ARHGAP11A: variants seen among roughly 807,000 people sequenced by gnomAD.
The protein encoded by ARHGAP11A is rho GTPase-activating protein 11A.
Under a neutral mutation model 60.5 loss-of-function variants are expected in ARHGAP11A, and 36 were observed. The ratio of observed to expected loss-of-function variants is 0.59; its 90% CI spans 0.46 to 0.79. The LOEUF (loss-of-function observed/expected upper bound fraction) is 0.79, where lower values mean the gene tolerates loss of function less well. Ranked by LOEUF, ARHGAP11A falls within the 30% of genes least tolerant of loss-of-function variation. The probability of loss-of-function intolerance (pLI) is 0.00; values close to 1 mark genes in which losing one functional copy is unlikely to be tolerated. For synonymous variants in ARHGAP11A, 362 were observed against 415.5 expected, an observed-to-expected ratio of 0.87 and a Z score of 1.57; for missense variants, 1,071 against 1,199.2, an observed-to-expected ratio of 0.89 and a Z score of 1.58.
chr15:32,635,016 T>G (rs2053673240), intron 10 of ARHGAP11A, among the ~76,000 whole-genome samples: 1 of 152,234 alleles, frequency 6.6e-6, no homozygotes, highest in African/African-American at 2.4e-5. Context: ...TAAAATCTGT[T>G]AGGTTATGTA....
At chr15:32,631,078 T>C (rs1362856542) in intron 8 of ARHGAP11A, among the ~76,000 whole-genome samples, 1 of 152,202 alleles carries the variant, frequency 6.6e-6, no homozygotes, top group East Asian at 1.9e-4. Context: ...ATCAATGAAT[T>C]TTTTTATAAA....
intron 2 of ARHGAP11A, among the ~76,000 whole-genome samples, chr15:32,623,230 A>G (rs1473323946): frequency 6.6e-6 from 1 of 152,010 alleles, no homozygotes; most frequent in Non-Finnish European, 1.5e-5. Flanking sequence ...TTACGCTCTG[A>G]AGGGAAGCAG....
At position 32,639,705 on chromosome 15, in the gene ARHGAP11A, T is replaced by C. The variant is rs183870102; in HGVS notation, c.*1860T>C. 19 of 152,330 alleles carry C rather than the reference T, an allele frequency of 1.2e-4. No homozygotes were observed. Among genetic ancestry groups the C allele is most frequent in the Middle Eastern group, 6.8e-3 (2 of 294 alleles). The allele number at this position is 152,330 out of a possible 1,614,324, so 9.4% of individuals were successfully genotyped here. A position where few individuals can be genotyped will look rare whatever the true frequency, so the allele number is the denominator to read the frequency against. ...TATTTTTGTTAGCTGAAAGCTGCTA[T>C]ACGGAGTATTACAGGAATGTGAAGG... On this transcript the variant is annotated 3_prime_UTR_variant, in exon 12 of 12. Transcript: ENST00000361627.
rs950701556 is a variant in ARHGAP11A, at chr15:32,639,675, A to G, written c.*1830A>G. 25 of 152,184 alleles carry G rather than the reference A, an allele frequency of 1.6e-4. No individual in the cohort carries two copies. Among genetic ancestry groups the G allele is most frequent in the African/African-American group, 6.0e-4 (25 of 41,512 alleles). The allele number at this position is 152,184 out of a possible 1,614,324, so 9.4% of individuals were successfully genotyped here. A position where few individuals can be genotyped will look rare whatever the true frequency, so the allele number is the denominator to read the frequency against. ...TCTGTTTTAAAAACTACCACATGTG[A>G]CTCCTATTTTTGTTAGCTGAAAGCT... On this transcript the variant is annotated 3_prime_UTR_variant, in exon 12 of 12. Coordinates refer to ENST00000361627, the MANE Select transcript of ARHGAP11A (RefSeq NM_014783.6).
Position 32,623,604 on chromosome 15 carries a change from A to G in ARHGAP11A, c.297+16A>G. The G allele has an allele frequency of 6.2e-7, 1 of 1,602,612 alleles. No homozygotes were observed. The highest frequency in any genetic ancestry group is 8.5e-7 in the Non-Finnish European group (1 of 1,175,584). On this transcript the variant is annotated intron_variant, in intron 3 of 11. Coordinates refer to ENST00000361627, the MANE Select transcript of ARHGAP11A (RefSeq NM_014783.6). ...AGCACTAAAGGTGAGCATATTGTTGAACTATTAATTTTTCATTTGAGCCAT... is the reference window on the plus strand; with the variant it reads ...AGCACTAAAGGTGAGCATATTGTTGGACTATTAATTTTTCATTTGAGCCAT...
chr15:32,616,138 G>A lies in ARHGAP11A; in HGVS notation c.-74G>A. The A allele has an allele frequency of 6.5e-7, 1 of 1,530,694 alleles. No individual in the cohort carries two copies. The highest frequency in any genetic ancestry group is 8.8e-7 in the Non-Finnish European group (1 of 1,139,078). The allele number at this position is 1,530,694 out of a possible 1,614,324, so 94.8% of individuals were successfully genotyped here. A position where few individuals can be genotyped will look rare whatever the true frequency, so the allele number is the denominator to read the frequency against. On this transcript the variant is annotated 5_prime_UTR_variant, in exon 1 of 12. Coordinates refer to ENST00000361627, the MANE Select transcript of ARHGAP11A (RefSeq NM_014783.6). ...CGGAGTTCAAATTTGAGAGCGTTTGGAAATTGGAAGACTTGGTGGCGAACG... is the reference window on the plus strand; with the variant it reads ...CGGAGTTCAAATTTGAGAGCGTTTGAAAATTGGAAGACTTGGTGGCGAACG...
In ARHGAP11A at chr15:32,625,119, A is replaced by G; in HGVS notation, c.591A>G (p.Val197=). 2 of 1,613,944 alleles carry G rather than the reference A, an allele frequency of 1.2e-6. No homozygotes were observed. Among genetic ancestry groups the G allele is most frequent in the Non-Finnish European group, 1.7e-6 (2 of 1,179,836 alleles). The change falls in exon 5 of 12, where the codon GTA becomes GTG. Residue 197 remains valine (V), a synonymous_variant. Transcript: ENST00000361627. ...ENKMDSSNLA[V]IFAPNLLQTS... ...AGATGGACAGCAGCAATCTTGCAGT[A>G]ATATTTGCACCGAATCTTCTTCAGA...
intron 2 of ARHGAP11A, among the ~76,000 whole-genome samples, chr15:32,621,904 C>T (rs1255894423): frequency 6.6e-6 from 1 of 152,304 alleles, no homozygotes; most frequent in Non-Finnish European, 1.5e-5. Flanking sequence ...ATTTCCCCTC[C>T]ATCTAAAGTA....
At position 32,627,399 on chromosome 15, in the gene ARHGAP11A, G is replaced by C. The variant is rs904671809; in HGVS notation, c.863-1329G>C. On this transcript the variant is annotated intron_variant, in intron 6 of 11. Coordinates refer to ENST00000361627, the MANE Select transcript of ARHGAP11A (RefSeq NM_014783.6). ...ATCAGACAGTTTTCATGTCGTATAA[G>C]ATTCTATCTCCGTAGTGTTTATTGC... 3.3e-5 allele frequency among the ~76,000 whole-genome samples: 5 copies of C among 151,842 alleles called. 1 individual carries two copies. Among genetic ancestry groups the C allele is most frequent in the African/African-American group, 1.2e-4 (5 of 41,294 alleles).
chr15:32,620,194 A>G lies in ARHGAP11A; in HGVS notation c.200+16A>G, dbSNP rs2053261350. ...ACATTCCAAGGTAAGCAGAGTTTGA[A>G]ATGAAGAAGGCCGGGTGCAGTGGCA... On this transcript the variant is annotated intron_variant, in intron 2 of 11. Coordinates refer to ENST00000361627, the MANE Select transcript of ARHGAP11A (RefSeq NM_014783.6). 6.3e-7 allele frequency: 1 copy of G among 1,599,630 alleles called. No homozygotes were observed. Among genetic ancestry groups the G allele is most frequent in the African/African-American group, 1.4e-5 (1 of 73,950 alleles).
chr15:32,627,864 C>T (rs1200777355), intron 6 of ARHGAP11A, among the ~76,000 whole-genome samples: 2 of 143,400 alleles, frequency 1.4e-5, no homozygotes, highest in Admixed American at 7.2e-5. Flanking sequence ...GGCTGGGGTG[C>T]AGTGATGCTA....
At chr15:32,630,508 G>C (rs935503325) in intron 8 of ARHGAP11A, among the ~76,000 whole-genome samples, 4 of 149,218 alleles carry the variant, frequency 2.7e-5, no homozygotes, top group Non-Finnish European at 5.9e-5. Context: ...TCTAAGCCCA[G>C]GGTCCTCCAT....
chr15:32,618,771 C>A (rs995292988), intron 1 of ARHGAP11A, among the ~76,000 whole-genome samples: 1 of 135,184 alleles, frequency 7.4e-6, no homozygotes, highest in African/African-American at 2.7e-5. Context: ...CCCCCCCCCC[C>A]GCCCCACGTC....
At chr15:32,632,934 G>T in intron 8 of ARHGAP11A, 45 bp from the exon 9 acceptor site, 2 of 1,525,610 alleles carry the variant, frequency 1.3e-6, no homozygotes, top group Non-Finnish European at 8.9e-7. Flanking sequence ...TACTTTAAAA[G>T]GAAAATAGAT....
At chr15:32,622,034 A>G (rs2053337723) in intron 2 of ARHGAP11A, among the ~76,000 whole-genome samples, 1 of 152,308 alleles carries the variant, frequency 6.6e-6, no homozygotes, top group African/African-American at 2.4e-5. Flanking sequence ...CTATAGGTGT[A>G]GATTCACTGT....
At chr15:32,633,836 A>G (rs1475660171) in intron 9 of ARHGAP11A, 97 bp from the exon 10 acceptor site, 2 of 701,026 alleles carry the variant, frequency 2.9e-6, no homozygotes, top group South Asian at 1.9e-5. Context: ...ATTATTATCA[A>G]TATGATTTGC....
intron 8 of ARHGAP11A, among the ~76,000 whole-genome samples, chr15:32,630,513 C>T (rs1310548293): frequency 6.7e-6 from 1 of 149,598 alleles, no homozygotes; most frequent in East Asian, 2.0e-4. Flanking sequence ...GCCCAGGGTC[C>T]TCCATCTCAT....
Position 32,637,144 on chromosome 15 carries a change from T to C in ARHGAP11A, c.2371T>C (p.Cys791Arg). The C allele has an allele frequency of 6.2e-7, 1 of 1,612,960 alleles. No homozygotes were observed. Among genetic ancestry groups the C allele is most frequent in the South Asian group, 1.1e-5 (1 of 90,992 alleles). ...RIAKQQSLET[C>R]EKTVSESSQM... ...TGCTAAACAGCAGTCATTGGAAACA[T>C]GTGAGAAAACAGTTTCTGAAAGTTC... Residue 791 changes from cysteine to arginine, a missense_variant, in exon 12 of 12, where the codon TGT becomes CGT. Coordinates refer to ENST00000361627, the MANE Select transcript of ARHGAP11A (RefSeq NM_014783.6).
At chr15:32,635,638 T>A (rs1371917624) in intron 10 of ARHGAP11A, 139 bp from the exon 11 acceptor site, 1 of 525,114 alleles carries the variant, frequency 1.9e-6, no homozygotes, top group Non-Finnish European at 3.2e-6. Context: ...ATGTTTGTCA[T>A]TGTTAAGAAT....
Sources: allele counts gnomAD v4.1 joint callset (sites outside exome capture counted in the v4.1 genomes callset), GRCh38; gene constraint gnomAD v4.1.1; transcripts MANE v1.5; gene names NCBI Gene and HGNC (gene_info 2026-07-23, HGNC 2026-07-21).